Variants in ATF7IP2 observed in about 807,000 individuals in gnomAD.
ATF7IP2 encodes the protein activating transcription factor 7 interacting protein 2.
A neutral mutation model predicts 64.2 loss-of-function variants in ATF7IP2; 42 were observed. The ratio of observed to expected loss-of-function variants is 0.65; its 90% CI spans 0.51 to 0.85. The LOEUF is 0.85. Ranked by LOEUF, ATF7IP2 falls within the 40% of genes least tolerant of loss-of-function variation. ATF7IP2 has a pLI of 0.00. For synonymous variants in ATF7IP2, 308 were observed against 272.8 expected (o/e 1.13, Z -1.27); for missense variants, 933 against 784.2 (o/e 1.19, Z -2.27).
chr16:10,388,443 C>T (rs746350855), intron 1 of ATF7IP2, among the ~76,000 whole-genome samples: 63 of 152,284 alleles, frequency 4.1e-4, no homozygotes, highest in Non-Finnish European at 6.6e-4. Flanking sequence ...TATGTGTCTA[C>T]TAAATGTGGT....
chr16:10,411,743 T>C (rs1453732117), intron 1 of ATF7IP2, among the ~76,000 whole-genome samples: 1 of 152,176 alleles, frequency 6.6e-6, no homozygotes. Flanking sequence ...TACTTCTTCC[T>C]GATTTAAGCT....
chr16:10,471,990 C>T lies in ATF7IP2; in HGVS notation c.1353-120C>T, dbSNP rs930309188. 8.0e-5 allele frequency: 37 copies of T among 459,930 alleles called. No homozygotes were observed. In the South Asian group the frequency reaches 1.3e-3, roughly 17 times the overall value. 28.5% of individuals were successfully genotyped at this position (459,930 alleles called of 1,614,324 possible). A position where few individuals can be genotyped will look rare whatever the true frequency, so the allele number is the denominator to read the frequency against. ...GTTTTATCATTTCTATTTCCCCCCA[C>T]GATTGTTCAATTAAAACATTATGAA... On this transcript the variant is annotated intron_variant, in intron 9 of 13. Coordinates refer to ENST00000562102, the MANE Select transcript of ATF7IP2 (RefSeq NM_001393719.1).
At chr16:10,462,532 C>G (rs2049409739) in intron 9 of ATF7IP2, among the ~76,000 whole-genome samples, 1 of 152,042 alleles carries the variant, frequency 6.6e-6, no homozygotes, top group East Asian at 1.9e-4. Flanking sequence ...ACATTGCTTT[C>G]TGACTTCTAT....
chr16:10,416,018 A>C (rs1197758409), intron 2 of ATF7IP2, among the ~76,000 whole-genome samples: 1 of 152,242 alleles, frequency 6.6e-6, no homozygotes, highest in Non-Finnish European at 1.5e-5. Context: ...AAATTTGTAC[A>C]ACCAGTATGG....
intron 1 of ATF7IP2, among the ~76,000 whole-genome samples, chr16:10,393,289 C>T (rs992734838): frequency 8.2e-6 from 1 of 121,358 alleles, no homozygotes; most frequent in African/African-American, 3.3e-5. Context: ...GCACTCCAGG[C>T]TGGGTGACAG....
chr16:10,395,523 A>G (rs1162110349), intron 1 of ATF7IP2, among the ~76,000 whole-genome samples: 1 of 152,168 alleles, frequency 6.6e-6, no homozygotes, highest in Non-Finnish European at 1.5e-5. Context: ...TTTTTAATGT[A>G]TAGAGATGTG....
At chr16:10,437,913 G>A (rs1026273800) in intron 6 of ATF7IP2, among the ~76,000 whole-genome samples, 188 bp from the exon 7 acceptor site, 1 of 152,164 alleles carries the variant, frequency 6.6e-6, no homozygotes, top group Non-Finnish European at 1.5e-5. Flanking sequence ...AATATTGGAT[G>A]TGTTCTGAGT....
intron 6 of ATF7IP2, among the ~76,000 whole-genome samples, chr16:10,437,888 T>C (rs2048475807): frequency 6.6e-6 from 1 of 152,230 alleles, no homozygotes; most frequent in South Asian, 2.1e-4. Context: ...ATTTCTAACA[T>C]GTCCAGTATA....
At chr16:10,416,456 T>C (rs1393568356) in intron 2 of ATF7IP2, among the ~76,000 whole-genome samples, 1 of 152,030 alleles carries the variant, frequency 6.6e-6, no homozygotes, top group African/African-American at 2.4e-5. Flanking sequence ...GAAAGGTATT[T>C]TGTGTTGGGG....
chr16:10,399,931 T>G (rs2047493862), intron 1 of ATF7IP2, among the ~76,000 whole-genome samples: 1 of 152,250 alleles, frequency 6.6e-6, no homozygotes, highest in African/African-American at 2.4e-5. Context: ...CCTGAGTATT[T>G]TATTTTACGT....
chr16:10,433,897 C>CA (rs528806582), intron 6 of ATF7IP2, among the ~76,000 whole-genome samples: 56 of 152,076 alleles, frequency 3.7e-4, no homozygotes, highest in African/African-American at 1.3e-3. Flanking sequence ...AGTCCTGTTG[C>CA]AAAAAGAGAA....
chr16:10,434,817 A>G (rs755320017), intron 6 of ATF7IP2, among the ~76,000 whole-genome samples: 8 of 150,864 alleles, frequency 5.3e-5, no homozygotes, highest in Admixed American at 2.6e-4. Flanking sequence ...TGTTTGTTTG[A>G]GGCAGAGTCT....
At chr16:10,405,494 C>G (rs1396312226) in intron 1 of ATF7IP2, among the ~76,000 whole-genome samples, 1 of 152,216 alleles carries the variant, frequency 6.6e-6, no homozygotes, top group African/African-American at 2.4e-5. Flanking sequence ...TTTTGCAGAC[C>G]TTGGTCAGAG....
Position 10,482,035 on chromosome 16 carries a change from A to G in ATF7IP2, c.1835A>G (p.His612Arg), listed in dbSNP as rs538791399. ...NPKCAPVESY[H>R]LFLCHENSNN... ...AAGTGTGCTCCTGTAGAAAGCTACC[A>G]CCTCTTCCTGTGTCATGAGAACTCT... Residue 612 changes from histidine to arginine, a missense_variant, in exon 14 of 14, where the codon CAC becomes CGC. Physicochemically the swap from His to Arg is conservative, Grantham distance 29. Transcript: ENST00000562102. 5.6e-6 allele frequency: 9 copies of G among 1,613,802 alleles called. No individual in the cohort carries two copies. The East Asian group carries it at 2.0e-4, about 36-fold the overall frequency.
chr16:10,412,520 T>TC (rs1158357113), intron 1 of ATF7IP2, among the ~76,000 whole-genome samples: 4 of 152,208 alleles, frequency 2.6e-5, no homozygotes, highest in African/African-American at 9.6e-5. Context: ...CCAGTTTTTT[T>TC]CCACTATGGT....
At chr16:10,421,415 TCTC>T (rs1448811738) in intron 3 of ATF7IP2, among the ~76,000 whole-genome samples, 2 of 152,174 alleles carry the variant, frequency 1.3e-5, no homozygotes, top group Non-Finnish European at 2.9e-5. Context: ...GCGACTAGGA[TCTC>T]CTCTAAGGAT....
chr16:10,427,100 C>T (rs1168143347), intron 3 of ATF7IP2, among the ~76,000 whole-genome samples: 1 of 152,142 alleles, frequency 6.6e-6, no homozygotes, highest in Non-Finnish European at 1.5e-5. Flanking sequence ...GTGATCCGTT[C>T]GCCTCAGCCT....
chr16:10,403,956 T>G (rs901470473), intron 1 of ATF7IP2, among the ~76,000 whole-genome samples: 2 of 152,084 alleles, frequency 1.3e-5, no homozygotes, highest in Non-Finnish European at 2.9e-5. Context: ...GCCGCAGAAC[T>G]AATGAATTAA....
chr16:10,409,358 T>G (rs560825481), intron 1 of ATF7IP2, among the ~76,000 whole-genome samples: 1 of 152,178 alleles, frequency 6.6e-6, no homozygotes, highest in Non-Finnish European at 1.5e-5. Flanking sequence ...AAGTTGAGTT[T>G]GAGAACAAAG....
Sources: allele counts gnomAD v4.1 joint callset (sites outside exome capture counted in the v4.1 genomes callset), GRCh38; gene constraint gnomAD v4.1.1; transcripts MANE v1.5; gene names NCBI Gene and HGNC (gene_info 2026-07-23, HGNC 2026-07-21).